Variants in SHC3 observed in about 807,000 individuals in gnomAD.
The protein encoded by SHC3 is SHC-transforming protein 3.
In SHC3, 15 loss-of-function variants were observed where a neutral mutation model predicts 60.4. The observed-to-expected ratio is 0.25, with a 90% confidence interval of 0.17 to 0.38. The LOEUF is 0.38. Among genes scored for constraint, SHC3 ranks in the 10% least tolerant of loss-of-function variants. SHC3 has a pLI of 1.00. For missense variants in SHC3, 677 were observed against 786.1 expected (o/e 0.86, Z 1.66); for synonymous variants, 294 against 325.9 (o/e 0.90, Z 1.05).
At chr9:89,077,520 T>A (rs1368661141) in intron 3 of SHC3, among the ~76,000 whole-genome samples, 1 of 152,158 alleles carries the variant, frequency 6.6e-6, no homozygotes, top group Non-Finnish European at 1.5e-5. Context: ...AACTCAGTTG[T>A]TGTAGTTAAG....
intron 11 of SHC3, among the ~76,000 whole-genome samples, chr9:89,022,053 A>T (rs905884577): frequency 2.0e-5 from 3 of 152,140 alleles, no homozygotes; most frequent in Non-Finnish European, 2.9e-5. Flanking sequence ...CACAATGTCA[A>T]TGAGAGAAGT....
At chr9:89,121,264 C>T (rs549409854) in intron 1 of SHC3, among the ~76,000 whole-genome samples, 60 of 151,738 alleles carry the variant, frequency 4.0e-4, no homozygotes, top group Middle Eastern at 6.8e-3. Context: ...TTCACCAATG[C>T]AAATGTACAA....
intron 2 of SHC3, among the ~76,000 whole-genome samples, chr9:89,092,739 G>GGT (rs150979999): frequency 0.054 from 8,014 of 149,130 alleles, 582 homozygotes; most frequent in African/African-American, 0.17. Context: ...AAAGAAGGAA[G>GGT]GTGTGTGTGT....
In SHC3 at chr9:89,012,716, T is replaced by G. The variant is rs1400830789; in HGVS notation, c.*731A>C. 2 of 152,228 alleles carry G rather than the reference T, an allele frequency of 1.3e-5. No homozygotes were observed. Among genetic ancestry groups the G allele is most frequent in the East Asian group, 3.9e-4 (2 of 5,192 alleles). The allele number at this position is 152,228 out of a possible 1,614,324, so 9.4% of individuals were successfully genotyped here. On this transcript the variant is annotated 3_prime_UTR_variant, in exon 12 of 12. Coordinates refer to ENST00000375835, the MANE Select transcript of SHC3 (RefSeq NM_016848.6). ...AAGCTTATTTTGTGCCATTTTGGCATGAAATGAATTCCCAAGTACTCCTCG... is the reference window on the plus strand; with the variant it reads ...AAGCTTATTTTGTGCCATTTTGGCAGGAAATGAATTCCCAAGTACTCCTCG...
chr9:89,148,072 G>T (rs1026084482), intron 1 of SHC3, among the ~76,000 whole-genome samples: 42 of 152,230 alleles, frequency 2.8e-4, no homozygotes, highest in African/African-American at 8.7e-4. Flanking sequence ...AAAGCTGATA[G>T]TACTTCATTT....
At position 89,113,928 on chromosome 9, in the gene SHC3, A is replaced by G. The variant is rs562329239; in HGVS notation, c.475-1302T>C. Among the ~76,000 whole-genome samples, 5 of 152,292 alleles carry G rather than the reference A, an allele frequency of 3.3e-5. No homozygotes were observed. In the South Asian group the frequency reaches 1.0e-3, roughly 32 times the overall value. On this transcript the variant is annotated intron_variant, in intron 1 of 11. Coordinates refer to ENST00000375835, the MANE Select transcript of SHC3 (RefSeq NM_016848.6). ...CAGAGTTATGTGATTACAACAACCA[A>G]CATCACAGGTTCATGTGAATAATAG...
chr9:89,128,888 G>C (rs1462416215), intron 1 of SHC3, among the ~76,000 whole-genome samples: 1 of 152,164 alleles, frequency 6.6e-6, no homozygotes, highest in African/African-American at 2.4e-5. Context: ...ACAGAACAAA[G>C]CTGGACGGAG....
chr9:89,069,087 C>A (rs146098322), intron 5 of SHC3, among the ~76,000 whole-genome samples: 1 of 152,088 alleles, frequency 6.6e-6, no homozygotes, highest in Non-Finnish European at 1.5e-5. Context: ...GGTGGGTGGA[C>A]CACTTAAGCC....
At chr9:89,122,514 T>G (rs1179246948) in intron 1 of SHC3, among the ~76,000 whole-genome samples, 2 of 152,244 alleles carry the variant, frequency 1.3e-5, no homozygotes, top group Non-Finnish European at 2.9e-5. Context: ...TGACAACACC[T>G]ATTTCCAAAT....
rs559710006 is a variant in SHC3, at chr9:89,058,584, G to C, written c.836-6421C>G. Among the ~76,000 whole-genome samples the C allele has an allele frequency of 6.1e-4, 92 of 151,112 alleles. 1 individual carries two copies. The East Asian group carries it at 6.3e-3, about 10-fold the overall frequency. On this transcript the variant is annotated intron_variant, in intron 6 of 11. Coordinates refer to ENST00000375835, the MANE Select transcript of SHC3 (RefSeq NM_016848.6). The stretch of plus-strand genomic sequence containing the variant: ...GGTGGAGGATGCTGGTGGAGGATGT[G>C]GTGGAGGATGGTGGTGTTAGGACGT...
In SHC3 at chr9:89,112,636, G is replaced by C; in HGVS notation, c.475-10C>G. 1.9e-6 allele frequency: 3 copies of C among 1,576,206 alleles called. No individual in the cohort carries two copies. Among genetic ancestry groups the C allele is most frequent in the Non-Finnish European group, 2.6e-6 (3 of 1,164,964 alleles). ...CAATGCACCCCAAGTACTGCAAGGG[G>C]AAAAAATGTAAATCGTGAGCCCTGA... On this transcript the variant is annotated splice_polypyrimidine_tract_variant and intron_variant, in intron 1 of 11. Transcript: ENST00000375835.
chr9:89,152,104 A>G (rs1422668069), intron 1 of SHC3, among the ~76,000 whole-genome samples: 1 of 152,236 alleles, frequency 6.6e-6, no homozygotes, highest in Non-Finnish European at 1.5e-5. Context: ...GGAAGTGGCC[A>G]TATGTTACAT....
intron 2 of SHC3, among the ~76,000 whole-genome samples, chr9:89,085,531 G>A (rs1825515174): frequency 6.6e-6 from 1 of 152,236 alleles, no homozygotes; most frequent in African/African-American, 2.4e-5. Flanking sequence ...TCTGCAGGTA[G>A]ATAGACACAG....
intron 2 of SHC3, among the ~76,000 whole-genome samples, chr9:89,092,851 C>T (rs1825646258): frequency 6.6e-6 from 1 of 151,906 alleles, no homozygotes. Context: ...TCTTGTTTGA[C>T]TCATTATGAA....
At chr9:89,045,262 T>C (rs1415449990) in intron 9 of SHC3, among the ~76,000 whole-genome samples, 3 of 149,706 alleles carry the variant, frequency 2.0e-5, no homozygotes, top group Non-Finnish European at 4.4e-5. Context: ...TGCCAGGAGA[T>C]GTCTGCAACA....
At chr9:89,058,668 TG>T (rs1824999414) in intron 6 of SHC3, among the ~76,000 whole-genome samples, 1 of 125,588 alleles carries the variant, frequency 8.0e-6, no homozygotes, top group African/African-American at 3.1e-5. Flanking sequence ...TGGTGGAGGA[TG>T]GTGGTGTAGG....
At chr9:89,173,751 G>A (rs1462963043) in intron 1 of SHC3, among the ~76,000 whole-genome samples, 1 of 152,070 alleles carries the variant, frequency 6.6e-6, no homozygotes, top group African/African-American at 2.4e-5. Flanking sequence ...TTGTGTATAT[G>A]TGTGTGGTGT....
At chr9:89,137,995 G>C (rs1280284290) in intron 1 of SHC3, among the ~76,000 whole-genome samples, 1 of 152,190 alleles carries the variant, frequency 6.6e-6, no homozygotes, top group Non-Finnish European at 1.5e-5. Context: ...GCACTGAAAG[G>C]GCAGGAAGCC....
intron 5 of SHC3, among the ~76,000 whole-genome samples, chr9:89,069,600 TCTG>T (rs1230206859): frequency 6.6e-6 from 1 of 152,190 alleles, no homozygotes; most frequent in Non-Finnish European, 1.5e-5. Flanking sequence ...CAAAGAACCA[TCTG>T]CTGGGTGGGC....
Sources: gnomAD v4.1 joint callset for allele counts (sites outside exome capture counted in the v4.1 genomes callset) on GRCh38, gnomAD v4.1.1 for gene constraint, MANE v1.5 for transcripts, NCBI Gene and HGNC (gene_info 2026-07-23, HGNC 2026-07-21) for gene names.